Variants in CNTNAP5 observed in about 807,000 individuals in gnomAD.
The protein encoded by CNTNAP5 is contactin associated protein family member 5.
In CNTNAP5, 72 loss-of-function variants were observed where a neutral mutation model predicts 150.2. That is an observed-to-expected ratio of 0.48 (90% CI 0.40 to 0.58). The LOEUF is 0.58. Among genes scored for constraint, CNTNAP5 ranks in the 20% least tolerant of loss-of-function variants. The pLI is 0.00. For missense variants in CNTNAP5, 1,636 were observed against 1,626.2 expected, an observed-to-expected ratio of 1.01 and a Z score of -0.10; for synonymous variants, 672 against 619.8, an observed-to-expected ratio of 1.08 and a Z score of -1.25.
intron 21 of CNTNAP5, among the ~76,000 whole-genome samples, chr2:124,893,389 C>T (rs1678239131): frequency 6.6e-6 from 1 of 152,134 alleles, no homozygotes; most frequent in Non-Finnish European, 1.5e-5. Context: ...GATGGTAAAA[C>T]TGACCACACA....
intron 3 of CNTNAP5, among the ~76,000 whole-genome samples, chr2:124,260,361 T>C (rs1055074370): frequency 6.6e-6 from 1 of 152,158 alleles, no homozygotes; most frequent in Non-Finnish European, 1.5e-5. Context: ...TACACAAAAA[T>C]TAATTCAAGA....
intron 1 of CNTNAP5, among the ~76,000 whole-genome samples, chr2:124,043,459 C>T (rs1681442897): frequency 6.6e-6 from 1 of 152,168 alleles, no homozygotes; most frequent in South Asian, 2.1e-4. Context: ...AATTATTCCA[C>T]AAATACCTAA....
At chr2:124,395,221 G>A (rs1691215856) in intron 3 of CNTNAP5, among the ~76,000 whole-genome samples, 1 of 152,126 alleles carries the variant, frequency 6.6e-6, no homozygotes, top group Non-Finnish European at 1.5e-5. Context: ...AAAGAATCAA[G>A]TACCATGAGA....
At chr2:124,853,156 T>G (rs1221898437) in intron 19 of CNTNAP5, among the ~76,000 whole-genome samples, 1 of 152,194 alleles carries the variant, frequency 6.6e-6, no homozygotes, top group Non-Finnish European at 1.5e-5. Flanking sequence ...CGAACTCTTA[T>G]CCCTCAGTGG....
At chr2:124,549,963 G>A (rs912768705) in intron 10 of CNTNAP5, among the ~76,000 whole-genome samples, 3 of 152,182 alleles carry the variant, frequency 2.0e-5, no homozygotes, top group Admixed American at 6.5e-5. Context: ...CTGTATCCAC[G>A]CTACCTGCGT....
chr2:124,214,774 T>C (rs534705252), intron 1 of CNTNAP5, among the ~76,000 whole-genome samples: 6 of 152,252 alleles, frequency 3.9e-5, no homozygotes, highest in Admixed American at 3.9e-4. Context: ...GAGCTCAGGG[T>C]CTATGTATTT....
At chr2:124,580,418 C>T (rs546428783) in intron 11 of CNTNAP5, among the ~76,000 whole-genome samples, 15 of 152,320 alleles carry the variant, frequency 9.8e-5, no homozygotes, top group African/African-American at 3.6e-4. Context: ...AAGGCAGATG[C>T]CAAGCTGTAA....
intron 19 of CNTNAP5, among the ~76,000 whole-genome samples, chr2:124,832,327 T>A (rs1431606919): frequency 6.6e-6 from 1 of 152,150 alleles, no homozygotes; most frequent in Non-Finnish European, 1.5e-5. Context: ...TAGTACCATA[T>A]GACACAACAT....
At chr2:124,782,512 C>G (rs554553571) in intron 17 of CNTNAP5, among the ~76,000 whole-genome samples, 1 of 152,272 alleles carries the variant, frequency 6.6e-6, no homozygotes, top group South Asian at 2.1e-4. Flanking sequence ...AGACCAACCA[C>G]AAGCCATAGG....
chr2:124,241,670 T>C lies in CNTNAP5; in HGVS notation c.188-530T>C, dbSNP rs1686889546. ...AAATGAATGATACTCTTCAAAGGCA[T>C]AGTCGGTGTCCTTTCATCTTTGTAT... is the stretch of plus-strand genomic sequence containing the variant. On this transcript the variant is annotated intron_variant, in intron 2 of 23. Transcript: ENST00000682447. 1.3e-5 allele frequency among the ~76,000 whole-genome samples: 2 copies of C among 152,184 alleles called. 1 individual carries two copies. Among genetic ancestry groups the C allele is most frequent in the South Asian group, 4.1e-4 (2 of 4,830 alleles).
rs748524836 is a variant in CNTNAP5, at chr2:124,025,736, A to T, written c.82+4A>T. On this transcript the variant is annotated splice_donor_region_variant and intron_variant, in intron 1 of 23. Transcript: ENST00000682447. ...TTAGGATTAACAGCGACAAACTGTG[A>T]GTACGAGGAGCTGGGGGCGGGAAGG... is the stretch of plus-strand genomic sequence containing the variant. 1 of 1,609,700 alleles carries T rather than the reference A, an allele frequency of 6.2e-7. No homozygotes were observed. Among genetic ancestry groups the T allele is most frequent in the East Asian group, 2.2e-5 (1 of 44,788 alleles).
At chr2:124,497,890 A>T (rs1283819645) in intron 7 of CNTNAP5, among the ~76,000 whole-genome samples, 1 of 152,164 alleles carries the variant, frequency 6.6e-6, no homozygotes. Context: ...CGTCTGTGTA[A>T]CAGATAAGTG....
chr2:124,266,930 G>A (rs185526910), intron 3 of CNTNAP5, among the ~76,000 whole-genome samples: 107 of 150,802 alleles, frequency 7.1e-4, no homozygotes, highest in African/African-American at 2.5e-3. Flanking sequence ...GCTGGCTTAA[G>A]CATAATATAG....
At chr2:124,633,269 C>T (rs1196449080) in intron 12 of CNTNAP5, among the ~76,000 whole-genome samples, 2 of 152,134 alleles carry the variant, frequency 1.3e-5, no homozygotes, top group Non-Finnish European at 2.9e-5. Flanking sequence ...CACCTATGAG[C>T]CTGTAAAATG....
In CNTNAP5 at chr2:124,693,745, G is replaced by A. The variant is rs190226331; in HGVS notation, c.2077+45787G>A. ...GGGCCAGTTTATTTTTCAATAGAGTGGAAATGTGAAGATGTTTAAGCCTAT... is the reference window on the plus strand; with the variant it reads ...GGGCCAGTTTATTTTTCAATAGAGTAGAAATGTGAAGATGTTTAAGCCTAT... On this transcript the variant is annotated intron_variant, in intron 13 of 23. Coordinates refer to ENST00000682447, the MANE Select transcript of CNTNAP5 (RefSeq NM_001367498.1). 4.0e-5 allele frequency among the ~76,000 whole-genome samples: 6 copies of A among 151,372 alleles called. No individual in the cohort carries two copies. The East Asian group carries it at 9.7e-4, about 25-fold the overall frequency.
chr2:124,135,319 A>G (rs1302512230), intron 1 of CNTNAP5: 1 of 152,250 alleles, frequency 6.6e-6, no homozygotes. Context: ...GCAACATGAC[A>G]TTGCAATCAG....
rs114455062 is a variant in CNTNAP5, at chr2:124,441,431, T to A, written c.734-5322T>A. On this transcript the variant is annotated intron_variant, in intron 5 of 23. Coordinates refer to ENST00000682447, the MANE Select transcript of CNTNAP5 (RefSeq NM_001367498.1). ...TGCATTCTTCAGTTTTATCCGCACA[T>A]AGTGCTTATTTGTGCCTTTTCCAGA... Among the ~76,000 whole-genome samples the A allele has an allele frequency of 3.8e-3, 578 of 152,206 alleles. 2 individuals are homozygous for A. The highest frequency in any genetic ancestry group is 0.013 in the African/African-American group (549 of 41,562).
intron 1 of CNTNAP5, among the ~76,000 whole-genome samples, chr2:124,204,449 T>C (rs1209924355): frequency 6.6e-6 from 1 of 152,194 alleles, no homozygotes; most frequent in African/African-American, 2.4e-5. Flanking sequence ...GTTACCCAGT[T>C]CCACAGTTGC....
chr2:124,889,366 C>T (rs185627692), intron 21 of CNTNAP5, among the ~76,000 whole-genome samples: 131 of 152,188 alleles, frequency 8.6e-4, no homozygotes, highest in Non-Finnish European at 1.6e-3. Context: ...GCTGGAATTA[C>T]AGGCTTGAGC....
Sources: gnomAD v4.1 joint callset for allele counts (sites outside exome capture counted in the v4.1 genomes callset) on GRCh38, gnomAD v4.1.1 for gene constraint, MANE v1.5 for transcripts, NCBI Gene and HGNC (gene_info 2026-07-23, HGNC 2026-07-21) for gene names.